TCF12: variants seen among roughly 807,000 people sequenced by gnomAD.
The protein encoded by TCF12 is transcription factor 12.
TCF12 carries 45 observed loss-of-function variants against 86.0 expected under a neutral mutation model. That is an observed-to-expected ratio of 0.52 (90% CI 0.41 to 0.67). TCF12 has a LOEUF of 0.67. Among genes scored for constraint, TCF12 ranks in the 30% least tolerant of loss-of-function variants. TCF12 has a pLI of 0.00. For synonymous variants in TCF12, 330 were observed against 299.6 expected (o/e 1.10, Z -1.05); for missense variants, 881 against 859.9 (o/e 1.02, Z -0.31).
At chr15:57,184,356 G>C (rs551181823) in intron 6 of TCF12, among the ~76,000 whole-genome samples, 2 of 152,162 alleles carry the variant, frequency 1.3e-5, no homozygotes, top group Non-Finnish European at 2.9e-5. Context: ...CTGGTTTTTT[G>C]ACCCCTAATA....
At chr15:57,010,668 C>T (rs12591367) in intron 3 of TCF12, among the ~76,000 whole-genome samples, 27,703 of 152,002 alleles carry the variant, frequency 0.18, 2,995 homozygotes, top group Non-Finnish European at 0.24. Flanking sequence ...GCCTAATTTG[C>T]TGAGTATTTA....
intron 7 of TCF12, among the ~76,000 whole-genome samples, chr15:57,193,143 G>A (rs1186779693): frequency 6.6e-6 from 1 of 152,126 alleles, no homozygotes; most frequent in African/African-American, 2.4e-5. Flanking sequence ...TAAAAACTGA[G>A]GGTCAAAAGG....
chr15:57,081,949 G>A (rs2048342843), intron 4 of TCF12, among the ~76,000 whole-genome samples: 1 of 152,172 alleles, frequency 6.6e-6, no homozygotes, highest in Non-Finnish European at 1.5e-5. Context: ...ATTCCTGGAA[G>A]GAACCACTGA....
At chr15:57,262,053 A>G (rs376341921) in intron 16 of TCF12, 41 bp from the exon 17 acceptor site, 13 of 1,379,110 alleles carry the variant, frequency 9.4e-6, no homozygotes, top group South Asian at 2.5e-5. Context: ...CCTCTGAACT[A>G]TCTTAATCTT....
intron 6 of TCF12, among the ~76,000 whole-genome samples, chr15:57,186,642 A>G (rs1393527405): frequency 1.3e-5 from 2 of 152,224 alleles, no homozygotes; most frequent in African/African-American, 2.4e-5. Context: ...AGTAAGACAA[A>G]TATTACAGGA....
intron 3 of TCF12, among the ~76,000 whole-genome samples, chr15:57,000,005 T>C (rs2435901): frequency 0.013 from 1,896 of 147,170 alleles, 41 homozygotes; most frequent in African/African-American, 0.046. Context: ...CTGGCCTAAA[T>C]TTCATTTCTT....
intron 7 of TCF12, among the ~76,000 whole-genome samples, chr15:57,196,570 A>AT (rs1359496403): frequency 2.0e-5 from 3 of 152,212 alleles, no homozygotes; most frequent in African/African-American, 7.2e-5. Flanking sequence ...AATTTGATCC[A>AT]TTTTTTGTGT....
chr15:57,178,974 C>T (rs1287830381), intron 6 of TCF12, among the ~76,000 whole-genome samples: 1 of 151,792 alleles, frequency 6.6e-6, no homozygotes, highest in African/African-American at 2.4e-5. Context: ...TGATCTACAT[C>T]CCGGATCTCT....
chr15:57,010,952 T>C (rs1427197422), intron 3 of TCF12, among the ~76,000 whole-genome samples: 1 of 152,134 alleles, frequency 6.6e-6, no homozygotes, highest in African/African-American at 2.4e-5. Flanking sequence ...CTTTTAAAAA[T>C]TTTTACGAGT....
At chr15:57,002,983 ATAG>A (rs2064139851) in intron 3 of TCF12, among the ~76,000 whole-genome samples, 1 of 152,210 alleles carries the variant, frequency 6.6e-6, no homozygotes, top group Non-Finnish European at 1.5e-5. Flanking sequence ...TACATCTTTC[ATAG>A]TATGCCACTA....
chr15:57,127,117 G>A (rs1317202382), intron 5 of TCF12, among the ~76,000 whole-genome samples: 1 of 151,530 alleles, frequency 6.6e-6, no homozygotes, highest in East Asian at 1.9e-4. Context: ...TGAGTAGCTG[G>A]GATTACACGC....
intron 3 of TCF12, among the ~76,000 whole-genome samples, chr15:57,007,739 G>A (rs569804023): frequency 1.3e-5 from 2 of 148,376 alleles, no homozygotes; most frequent in Non-Finnish European, 3.0e-5. Context: ...GGAAAATGAT[G>A]TAACAAATAT....
chr15:57,137,034 C>G (rs2052597305), intron 5 of TCF12, among the ~76,000 whole-genome samples: 1 of 129,986 alleles, frequency 7.7e-6, no homozygotes. Flanking sequence ...GGCTGGAGTG[C>G]AGTGGCGCGA....
intron 12 of TCF12, among the ~76,000 whole-genome samples, chr15:57,241,917 T>G (rs2733322): frequency 1 from 151,955 of 152,208 alleles, 75,853 homozygotes; most frequent in East Asian, 1. Context: ...ACTTGAACCT[T>G]GTAGGTGGAG....
At chr15:56,973,256 G>A (rs1187514837) in intron 3 of TCF12, among the ~76,000 whole-genome samples, 3 of 152,084 alleles carry the variant, frequency 2.0e-5, no homozygotes, top group African/African-American at 7.2e-5. Flanking sequence ...GTGTATGTAT[G>A]AGTATGTATG....
intron 3 of TCF12, among the ~76,000 whole-genome samples, chr15:56,961,423 A>G (rs1360962740): frequency 3.9e-5 from 6 of 152,236 alleles, no homozygotes; most frequent in Non-Finnish European, 7.3e-5. Flanking sequence ...CATATTATTA[A>G]AATAAAAACC....
At chr15:57,214,340 G>A (rs181068781) in intron 8 of TCF12, 2 of 152,068 alleles carry the variant, frequency 1.3e-5, no homozygotes, top group African/African-American at 2.4e-5. Context: ...TGTTGATGTC[G>A]GAGGGATACA....
intron 3 of TCF12, among the ~76,000 whole-genome samples, chr15:56,981,946 G>A (rs569921060): frequency 8.5e-5 from 13 of 152,220 alleles, no homozygotes; most frequent in African/African-American, 2.6e-4. Context: ...GGCAGAAGAG[G>A]TGGGGAGATA....
At chr15:57,045,575 T>G (rs1454472531) in intron 3 of TCF12, among the ~76,000 whole-genome samples, 1 of 152,140 alleles carries the variant, frequency 6.6e-6, no homozygotes, top group Non-Finnish European at 1.5e-5. Flanking sequence ...AGATAGGATC[T>G]CCCTCTGTAA....
Sources: allele counts gnomAD v4.1 joint callset (sites outside exome capture counted in the v4.1 genomes callset), GRCh38; gene constraint gnomAD v4.1.1; transcripts MANE v1.5; gene names NCBI Gene and HGNC (gene_info 2026-07-23, HGNC 2026-07-21).